The following CDH19 variants were observed in gnomAD, a reference collection of about 807,000 sequenced individuals.
CDH19 encodes the protein cadherin 19.
CDH19 carries 67 observed loss-of-function variants against 64.2 expected under a neutral mutation model. That is an observed-to-expected ratio of 1.04 (90% confidence interval 0.86 to 1.28). The LOEUF is 1.28. CDH19 is among the 50% of genes most tolerant of loss of function. The probability of loss-of-function intolerance (pLI) is 0.00; values close to 1 mark genes in which losing one functional copy is unlikely to be tolerated. For missense variants in CDH19, 1,030 were observed against 929.0 expected (o/e 1.11, Z -1.41); for synonymous variants, 346 against 319.3 (o/e 1.08, Z -0.89).
intron 3 of CDH19, among the ~76,000 whole-genome samples, chr18:66,556,394 A>G (rs768840823): frequency 6.6e-6 from 1 of 151,690 alleles, no homozygotes; most frequent in Non-Finnish European, 1.5e-5. Flanking sequence ...CTTATCTGAT[A>G]CTTTGTATTC....
chr18:66,508,810 T>G (rs8089492), intron 11 of CDH19, among the ~76,000 whole-genome samples, 185 bp downstream of exon 11: 48,455 of 151,718 alleles, frequency 0.32, 9,358 homozygotes, highest in African/African-American at 0.54. Flanking sequence ...TCCACTTGAT[T>G]TAAGAATTAT....
At chr18:66,517,694 A>G (rs1424767145) in intron 9 of CDH19, among the ~76,000 whole-genome samples, 1 of 151,938 alleles carries the variant, frequency 6.6e-6, no homozygotes, top group Non-Finnish European at 1.5e-5. Flanking sequence ...TTTACCTGCC[A>G]TTTTCTCTGG....
At chr18:66,557,096 G>A (rs1051610404) in intron 3 of CDH19, among the ~76,000 whole-genome samples, 3 of 151,924 alleles carry the variant, frequency 2.0e-5, no homozygotes, top group Non-Finnish European at 4.4e-5. Context: ...TACACCACTA[G>A]TAAAGATATC....
chr18:66,504,755 C>G lies in CDH19; in HGVS notation c.*57G>C. The G allele has an allele frequency of 6.6e-7, 1 of 1,519,316 alleles. No individual in the cohort carries two copies. The highest frequency in any genetic ancestry group is 8.9e-7 in the Non-Finnish European group (1 of 1,129,324). The allele number at this position is 1,519,316 out of a possible 1,614,324, so 94.1% of individuals were successfully genotyped here. On this transcript the variant is annotated 3_prime_UTR_variant, in exon 12 of 12. Transcript: ENST00000262150. ...AGCCAGGGCACAAAACTCTTTAAGA[C>G]TACCATTGGGTTCGAATACACATTA...
intron 11 of CDH19, among the ~76,000 whole-genome samples, chr18:66,505,770 A>G (rs8090937): frequency 0.23 from 34,834 of 151,426 alleles, 4,431 homozygotes; most frequent in East Asian, 0.46. Context: ...CTATTGAAGC[A>G]AAATTCTGTG....
chr18:66,564,523 A>G (rs2144557315), intron 3 of CDH19, among the ~76,000 whole-genome samples: 1 of 152,068 alleles, frequency 6.6e-6, no homozygotes, highest in South Asian at 2.1e-4. Context: ...GAAAAGCTCC[A>G]AAGAGAGTGG....
chr18:66,533,326 A>C (rs892575139), intron 8 of CDH19, among the ~76,000 whole-genome samples: 1 of 152,034 alleles, frequency 6.6e-6, no homozygotes, highest in Non-Finnish European at 1.5e-5. Context: ...GATGAAAATA[A>C]ATTAATGGAA....
intron 7 of CDH19, among the ~76,000 whole-genome samples, chr18:66,536,333 A>T (rs1986670528): frequency 6.6e-6 from 1 of 151,766 alleles, no homozygotes; most frequent in Non-Finnish European, 1.5e-5. Context: ...AATCACGAGG[A>T]ATTAAGCTTT....
chr18:66,546,717 T>C (rs1340486932), intron 5 of CDH19, among the ~76,000 whole-genome samples: 1 of 152,086 alleles, frequency 6.6e-6, no homozygotes, highest in Admixed American at 6.5e-5. Flanking sequence ...AAATTAAAGA[T>C]AAGGTGTAAA....
chr18:66,593,398 G>A (rs1486285659), intron 1 of CDH19, among the ~76,000 whole-genome samples: 1 of 151,822 alleles, frequency 6.6e-6, no homozygotes, highest in Non-Finnish European at 1.5e-5. Flanking sequence ...TATTTATTGT[G>A]TCTAAACTTA....
chr18:66,528,583 A>C (rs1285749741), intron 9 of CDH19, among the ~76,000 whole-genome samples: 2 of 152,156 alleles, frequency 1.3e-5, no homozygotes, highest in Non-Finnish European at 2.9e-5. Context: ...ATTTATAGGC[A>C]AGATTTGATC....
At chr18:66,603,204 T>C (rs1223216361) in intron 1 of CDH19, among the ~76,000 whole-genome samples, 1 of 150,636 alleles carries the variant, frequency 6.6e-6, no homozygotes, top group Non-Finnish European at 1.5e-5. Flanking sequence ...TTTGGTAAAC[T>C]TATTTTGAAA....
chr18:66,575,157 C>A (rs1179894958), intron 1 of CDH19, among the ~76,000 whole-genome samples: 2 of 151,736 alleles, frequency 1.3e-5, no homozygotes, highest in South Asian at 2.1e-4. Flanking sequence ...TAAGCACAGA[C>A]CTGTGGATCA....
At position 66,562,280 on chromosome 18, in the gene CDH19, T is replaced by TC. The variant is rs531750285; in HGVS notation, c.490+6135dup. Among the ~76,000 whole-genome samples the TC allele has an allele frequency of 3.2e-4, 49 of 151,754 alleles. 1 individual carries two copies. The East Asian group carries it at 3.7e-3, about 11-fold the overall frequency. ...ATCAGTGGGAGCCCTGAGCTTGGTTTCCTGCAACTAGATAGTCCCACCTGG... is the reference window on the plus strand; with the variant it reads ...ATCAGTGGGAGCCCTGAGCTTGGTTTCCCTGCAACTAGATAGTCCCACCTGG... On this transcript the variant is annotated intron_variant, in intron 3 of 11. Coordinates refer to ENST00000262150, the MANE Select transcript of CDH19 (RefSeq NM_021153.4).
intron 9 of CDH19, among the ~76,000 whole-genome samples, chr18:66,526,733 C>G (rs1249500682): frequency 6.6e-6 from 1 of 151,648 alleles, no homozygotes; most frequent in African/African-American, 2.4e-5. Flanking sequence ...AAGTTTTTTT[C>G]ACATATATAT....
Position 66,512,846 on chromosome 18 carries a change from C to T in CDH19, c.1459-1161G>A, listed in dbSNP as rs377424401. Among the ~76,000 whole-genome samples, 20 of 151,482 alleles carry T rather than the reference C, an allele frequency of 1.3e-4. No individual in the cohort carries two copies. In the East Asian group the frequency reaches 2.1e-3, roughly 16 times the overall value. ...CCAATATTCTGAATCCTGGCTTTGC[C>T]ATTTAGAAGTTTTTAACCTTGAAAA... On this transcript the variant is annotated intron_variant, in intron 9 of 11. Transcript: ENST00000262150.
Position 66,504,877 on chromosome 18 carries a change from C to A in CDH19, c.2254G>T (p.Glu752Ter). The change falls in exon 12 of 12, where the codon GAG becomes TAG. Residue 752 changes from glutamate (E) to a stop codon, truncating the protein, a stop_gained. Transcript: ENST00000262150. LOFTEE classifies it high-confidence loss of function. The stretch of plus-strand genomic sequence containing the variant: ...AATCTTTTAAAGCGAGGTCCCAACT[C>A]ATTAAGGTAATCATAGCTTTCATCC... ...DQDESYDYLN[E>*]LGPRFKRLAC... The A allele has an allele frequency of 6.2e-7, 1 of 1,613,108 alleles. No individual in the cohort carries two copies. Among genetic ancestry groups the A allele is most frequent in the Non-Finnish European group, 8.5e-7 (1 of 1,179,430 alleles).
chr18:66,536,977 T>A (rs1057235141), intron 7 of CDH19, among the ~76,000 whole-genome samples: 1 of 151,844 alleles, frequency 6.6e-6, no homozygotes, highest in African/African-American at 2.4e-5. Flanking sequence ...TTCCCACTAA[T>A]CCAATTAAAA....
At chr18:66,571,969 T>C in intron 2 of CDH19, 41 bp downstream of exon 2, 1 of 1,392,808 alleles carries the variant, frequency 7.2e-7, no homozygotes, top group South Asian at 1.3e-5. Context: ...TTTATTTACA[T>C]TGTTGTGCTA....
Sources: allele counts gnomAD v4.1 joint callset (sites outside exome capture counted in the v4.1 genomes callset), GRCh38; gene constraint gnomAD v4.1.1; transcripts MANE v1.5; gene names NCBI Gene and HGNC (gene_info 2026-07-23, HGNC 2026-07-21).